FMO1: variants seen among roughly 807,000 people sequenced by gnomAD.
The protein encoded by FMO1 is flavin-containing monooxygenase 1.
In FMO1, 36 loss-of-function variants were observed where a neutral mutation model predicts 45.4. The ratio of observed to expected loss-of-function variants is 0.79; its 90% CI spans 0.61 to 1.05. FMO1 has a LOEUF of 1.05. Among genes scored for constraint, FMO1 ranks in the 50% least tolerant of loss-of-function variants. The pLI, the probability that FMO1 is intolerant of heterozygous loss-of-function variation, is 0.00. For missense variants in FMO1, 615 were observed against 640.3 expected (o/e 0.96, Z 0.43); for synonymous variants, 228 against 227.2 (o/e 1.00, Z -0.03).
intron 1 of FMO1, among the ~76,000 whole-genome samples, chr1:171,249,559 A>C (rs1175540914): frequency 6.6e-6 from 1 of 151,510 alleles, no homozygotes; most frequent in Non-Finnish European, 1.5e-5. Flanking sequence ...CACCCACCCC[A>C]ACTGCCATCC....
chr1:171,280,649 C>A, intron 5 of FMO1, 137 bp from the exon 6 acceptor site: 2 of 661,784 alleles, frequency 3.0e-6, no homozygotes, highest in Non-Finnish European at 5.4e-6. Flanking sequence ...AGAACCAAGA[C>A]TATCTTGTCA....
At chr1:171,267,931 T>A (rs1446767445) in intron 3 of FMO1, among the ~76,000 whole-genome samples, 200 bp downstream of exon 3, 3 of 152,184 alleles carry the variant, frequency 2.0e-5, no homozygotes, top group Non-Finnish European at 4.4e-5. Context: ...TGTGTAAAGA[T>A]TCACAAGTAT....
chr1:171,277,283 C>T (rs918544829), intron 4 of FMO1, among the ~76,000 whole-genome samples: 1 of 152,118 alleles, frequency 6.6e-6, no homozygotes, highest in African/African-American at 2.4e-5. Context: ...ATATGTATCA[C>T]AAGCTCTAGA....
At chr1:171,270,523 A>C in intron 3 of FMO1, 1 of 963,984 alleles carries the variant, frequency 1.0e-6, no homozygotes, top group Non-Finnish European at 1.2e-6. Flanking sequence ...TTTACTTAGA[A>C]GCATTCAGAA....
intron 6 of FMO1, 25 bp from the exon 7 acceptor site, chr1:171,281,950 TCTC>T (rs1285439666): frequency 1.4e-6 from 2 of 1,383,502 alleles, no homozygotes; most frequent in South Asian, 2.6e-5. Flanking sequence ...CACTGACAAG[TCTC>T]CTCCCTGTTC....
chr1:171,280,852 G>C lies in FMO1; in HGVS notation c.694G>C (p.Asp232His). The C allele has an allele frequency of 1.2e-6, 2 of 1,613,890 alleles. No homozygotes were observed. Among genetic ancestry groups the C allele is most frequent in the Non-Finnish European group, 1.7e-6 (2 of 1,179,884 alleles). Residue 232 changes from aspartate to histidine, a missense_variant, in exon 6 of 9, where the codon GAC becomes CAC. Transcript: ENST00000617670. ...SRIFDSGYPW[D>H]MVFMTRFQNM... ...AATCTTTGACTCGGGCTACCCATGGGACATGGTGTTCATGACACGCTTTCA... is the reference window on the plus strand; with the variant it reads ...AATCTTTGACTCGGGCTACCCATGGCACATGGTGTTCATGACACGCTTTCA...
At chr1:171,282,575 C>T in intron 7 of FMO1, 3 of 403,932 alleles carry the variant, frequency 7.4e-6, no homozygotes. Flanking sequence ...TAACAGTTGA[C>T]ATAGGCTGTA....
chr1:171,265,460 A>C (rs1312587464), intron 2 of FMO1, among the ~76,000 whole-genome samples: 1 of 152,148 alleles, frequency 6.6e-6, no homozygotes, highest in Non-Finnish European at 1.5e-5. Flanking sequence ...TGACACAAAC[A>C]AAAAATACAA....
At chr1:171,279,374 A>G (rs1661260516) in intron 5 of FMO1, among the ~76,000 whole-genome samples, 1 of 152,146 alleles carries the variant, frequency 6.6e-6, no homozygotes, top group Non-Finnish European at 1.5e-5. Flanking sequence ...TTACTGCACT[A>G]CTTTATCCAG....
At chr1:171,267,457 A>G in intron 2 of FMO1, 86 bp from the exon 3 acceptor site, 1 of 840,330 alleles carries the variant, frequency 1.2e-6, no homozygotes, top group Non-Finnish European at 1.9e-6. Flanking sequence ...TGGCAATGAT[A>G]CTGTGTGCAT....
intron 5 of FMO1, among the ~76,000 whole-genome samples, chr1:171,279,915 T>C (rs1661284659): frequency 6.6e-6 from 1 of 152,202 alleles, no homozygotes; most frequent in Non-Finnish European, 1.5e-5. Flanking sequence ...CCCCTCTCTC[T>C]TCTTCAGAGC....
chr1:171,282,055 G>A lies in FMO1; in HGVS notation c.905G>A (p.Ser302Asn). ...IITGKVFIRP[S>N]IKEVKENSVI... ...ACTGGGAAAGTGTTCATCAGGCCAA[G>A]CATAAAAGAGGTAAAGGAAAACTCT... Residue 302 changes from serine (S) to asparagine (N), a missense_variant, in exon 7 of 9, where the codon AGC (serine) becomes AAC (asparagine). Transcript: ENST00000617670. 6.2e-7 allele frequency: 1 copy of A among 1,613,720 alleles called. No individual in the cohort carries two copies. The highest frequency in any genetic ancestry group is 1.1e-5 in the South Asian group (1 of 91,060).
intron 4 of FMO1, among the ~76,000 whole-genome samples, chr1:171,276,696 T>C (rs560038365): frequency 6.6e-6 from 1 of 152,298 alleles, no homozygotes; most frequent in African/African-American, 2.4e-5. Context: ...GAATAGAGTT[T>C]TATGGAGTCC....
chr1:171,267,463 T>C (rs1279109425), intron 2 of FMO1, 80 bp from the exon 3 acceptor site: 2 of 904,560 alleles, frequency 2.2e-6, no homozygotes, highest in East Asian at 5.0e-5. Context: ...TGATACTGTG[T>C]GCATCTGGAC....
At chr1:171,258,014 C>T (rs1660232929) in intron 1 of FMO1, 68 bp from the exon 2 acceptor site, 11 of 1,587,064 alleles carry the variant, frequency 6.9e-6, no homozygotes, top group Non-Finnish European at 8.6e-6. Flanking sequence ...TTTTTCCTGG[C>T]TTGTTAGAGC....
chr1:171,263,083 T>G (rs1227565037), intron 2 of FMO1, among the ~76,000 whole-genome samples: 1 of 152,190 alleles, frequency 6.6e-6, no homozygotes, highest in Non-Finnish European at 1.5e-5. Context: ...AGAACTGACC[T>G]GACAAAATTT....
chr1:171,264,522 T>C (rs1249167445), intron 2 of FMO1, among the ~76,000 whole-genome samples: 1 of 152,024 alleles, frequency 6.6e-6, no homozygotes, highest in Non-Finnish European at 1.5e-5. Context: ...ATACATCCTA[T>C]TGGGCATCCT....
At chr1:171,252,229 C>G (rs983391563) in intron 1 of FMO1, among the ~76,000 whole-genome samples, 3 of 152,112 alleles carry the variant, frequency 2.0e-5, no homozygotes, top group Non-Finnish European at 2.9e-5. Context: ...CCAGATCCTC[C>G]GATCCCACCC....
At chr1:171,278,933 G>GC in intron 5 of FMO1, 62 bp downstream of exon 5, 1 of 1,302,254 alleles carries the variant, frequency 7.7e-7, no homozygotes, top group Non-Finnish European at 1.0e-6. Flanking sequence ...CAAGCAAATG[G>GC]TGTTTGACAC....
Sources: gnomAD v4.1 joint callset for allele counts (sites outside exome capture counted in the v4.1 genomes callset) on GRCh38, gnomAD v4.1.1 for gene constraint, MANE v1.5 for transcripts, NCBI Gene and HGNC (gene_info 2026-07-23, HGNC 2026-07-21) for gene names.